ALX1: variants seen among roughly 807,000 people sequenced by gnomAD.
ALX1 encodes the protein ALX homeobox 1.
ALX1 carries 19 observed loss-of-function variants against 31.7 expected under a neutral mutation model. The observed-to-expected ratio is 0.60, with a 90% CI of 0.42 to 0.88. The LOEUF is 0.88. Among genes scored for constraint, ALX1 ranks in the 40% least tolerant of loss-of-function variants. The probability of loss-of-function intolerance (pLI) is 0.00; values close to 1 mark genes in which losing one functional copy is unlikely to be tolerated. For synonymous variants in ALX1, 153 were observed against 148.8 expected (o/e 1.03, Z -0.20); for missense variants, 415 against 407.8 (o/e 1.02, Z -0.15).
intron 3 of ALX1, among the ~76,000 whole-genome samples, chr12:85,287,581 T>C (rs1270844257): frequency 6.6e-6 from 1 of 151,472 alleles, no homozygotes; most frequent in Non-Finnish European, 1.5e-5. Flanking sequence ...GAGTAACAGC[T>C]TCCCTTTATA....
At chr12:85,281,923 G>A (rs974711130) in intron 1 of ALX1, among the ~76,000 whole-genome samples, 2 of 152,056 alleles carry the variant, frequency 1.3e-5, no homozygotes, top group Non-Finnish European at 2.9e-5. Context: ...TTGAATAGTC[G>A]AGAATCCAAA....
intron 3 of ALX1, among the ~76,000 whole-genome samples, chr12:85,287,914 T>C (rs1779332427): frequency 6.6e-6 from 1 of 151,574 alleles, no homozygotes; most frequent in Non-Finnish European, 1.5e-5. Context: ...ACCTTGATAG[T>C]TCACTAACTA....
intron 3 of ALX1, among the ~76,000 whole-genome samples, chr12:85,298,975 T>C (rs1310563585): frequency 6.6e-6 from 1 of 151,740 alleles, no homozygotes; most frequent in Non-Finnish European, 1.5e-5. Context: ...GCCTTTACCT[T>C]TCTGATTTTA....
intron 2 of ALX1, among the ~76,000 whole-genome samples, chr12:85,284,591 C>T (rs937147034): frequency 1.3e-5 from 2 of 151,870 alleles, no homozygotes; most frequent in Non-Finnish European, 2.9e-5. Context: ...AAGATATATT[C>T]TAGTTATTAA....
intron 3 of ALX1, among the ~76,000 whole-genome samples, chr12:85,299,524 A>G (rs1184929351): frequency 6.6e-6 from 1 of 151,704 alleles, no homozygotes; most frequent in Non-Finnish European, 1.5e-5. Flanking sequence ...CTACATATGT[A>G]TATATTTAAC....
At chr12:85,287,199 T>A (rs1052032730) in intron 3 of ALX1, among the ~76,000 whole-genome samples, 10 of 151,764 alleles carry the variant, frequency 6.6e-5, no homozygotes, top group Non-Finnish European at 1.2e-4. Flanking sequence ...TTTCAGGGTA[T>A]TTTTTTCTTT....
At chr12:85,289,104 AT>A (rs1430891380) in intron 3 of ALX1, among the ~76,000 whole-genome samples, 2 of 150,768 alleles carry the variant, frequency 1.3e-5, no homozygotes, top group African/African-American at 2.4e-5. Flanking sequence ...TTCAAACCCC[AT>A]TTCTGTCTGT....
chr12:85,301,771 A>C lies in ALX1; in HGVS notation c.*296A>C, dbSNP rs1896971162. ...GATCACGCAACTTATTAAAGAATAA[A>C]TGTGTTAAACAAATTCTTCTGTTAT... is the stretch of plus-strand genomic sequence containing the variant. On this transcript the variant is annotated 3_prime_UTR_variant, in exon 4 of 4. Coordinates refer to ENST00000316824, the MANE Select transcript of ALX1 (RefSeq NM_006982.3). 2.6e-6 allele frequency: 1 copy of C among 379,522 alleles called. No individual in the cohort carries two copies. Among genetic ancestry groups the C allele is most frequent in the Non-Finnish European group, 4.8e-6 (1 of 210,306 alleles). The allele number at this position is 379,522 out of a possible 1,614,324, so 23.5% of individuals were successfully genotyped here.
chr12:85,289,524 C>T (rs1896789633), intron 3 of ALX1, among the ~76,000 whole-genome samples: 1 of 151,170 alleles, frequency 6.6e-6, no homozygotes, highest in Non-Finnish European at 1.5e-5. Context: ...GAATGTTGCA[C>T]TAATTATTCC....
intron 1 of ALX1, among the ~76,000 whole-genome samples, chr12:85,282,513 T>A (rs906166383): frequency 4.0e-5 from 6 of 151,714 alleles, no homozygotes; most frequent in African/African-American, 1.5e-4. Context: ...AAAAATACAT[T>A]ATGGGGGTAA....
chr12:85,280,629 C>T, intron 1 of ALX1, 142 bp downstream of exon 1: 1 of 942,970 alleles, frequency 1.1e-6, no homozygotes. Context: ...GTGGAAGGTG[C>T]TCGCTTTATG....
Position 85,283,885 on chromosome 12 carries a change from CAAAAAGAGGCCTTGATGGATGGGATAGGA to C in ALX1, c.531+13_531+41del. The C allele has an allele frequency of 6.2e-7, 1 of 1,613,054 alleles. No individual in the cohort carries two copies. Among genetic ancestry groups the C allele is most frequent in the Non-Finnish European group, 8.5e-7 (1 of 1,179,718 alleles). On this transcript the variant is annotated intron_variant, in intron 2 of 3. Transcript: ENST00000316824. ...CTGAGGCCAGGGTCCAGGTAGGAGC[CAAAAAGAGGCCTTGATGGATGGGATAGGA>C]AAATAAATGGTGTTAGAATAATTGA...
At chr12:85,280,636 TA>T in intron 1 of ALX1, 149 bp downstream of exon 1, 2 of 889,122 alleles carry the variant, frequency 2.2e-6, no homozygotes, top group Non-Finnish European at 3.5e-6. Flanking sequence ...GTGCTCGCTT[TA>T]TGAAGCGGTG....
intron 3 of ALX1, among the ~76,000 whole-genome samples, chr12:85,295,717 G>A (rs1339018318): frequency 2.0e-5 from 3 of 151,516 alleles, no homozygotes; most frequent in African/African-American, 7.3e-5. Flanking sequence ...TGCACATGGA[G>A]TGTGTGTGCA....
chr12:85,282,485 A>G (rs892697010), intron 1 of ALX1, among the ~76,000 whole-genome samples: 2 of 152,146 alleles, frequency 1.3e-5, no homozygotes, highest in African/African-American at 4.8e-5. Context: ...ATATTTGTAT[A>G]ATGATGAAAA....
intron 3 of ALX1, among the ~76,000 whole-genome samples, chr12:85,290,040 A>G (rs1202225195): frequency 6.6e-6 from 1 of 151,216 alleles, no homozygotes; most frequent in Non-Finnish European, 1.5e-5. Context: ...GAAATAAAGA[A>G]TTAGCAATTT....
At chr12:85,296,923 T>A (rs68039267) in intron 3 of ALX1, among the ~76,000 whole-genome samples, 78,345 of 151,134 alleles carry the variant, frequency 0.52, 24,270 homozygotes, top group South Asian at 0.68. Flanking sequence ...AATTAATATT[T>A]TTTTACTTCC....
intron 1 of ALX1, 52 bp from the exon 2 acceptor site, chr12:85,283,520 G>C: frequency 6.4e-7 from 1 of 1,574,328 alleles, no homozygotes; most frequent in Non-Finnish European, 8.7e-7. Flanking sequence ...TGATTTAATT[G>C]AGATGAGTTT....
At chr12:85,296,501 G>T (rs2137391561) in intron 3 of ALX1, among the ~76,000 whole-genome samples, 1 of 151,606 alleles carries the variant, frequency 6.6e-6, no homozygotes, top group South Asian at 2.1e-4. Context: ...AAAACATGAA[G>T]GGGCAAACGT....
Sources: gnomAD v4.1 joint callset for allele counts (sites outside exome capture counted in the v4.1 genomes callset) on GRCh38, gnomAD v4.1.1 for gene constraint, MANE v1.5 for transcripts, NCBI Gene and HGNC (gene_info 2026-07-23, HGNC 2026-07-21) for gene names.